Variants in MAP4K3 observed in about 807,000 individuals in gnomAD.
MAP4K3 encodes the protein MAPK/ERK kinase kinase kinase 3.
MAP4K3 carries 94 observed loss-of-function variants against 143.5 expected under a neutral mutation model. That is an observed-to-expected ratio of 0.65 (90% CI 0.55 to 0.78). The LOEUF (loss-of-function observed/expected upper bound fraction) is 0.78, where lower values mean the gene tolerates loss of function less well. Among genes scored for constraint, MAP4K3 ranks in the 30% least tolerant of loss-of-function variants. The pLI is 0.00. For missense variants in MAP4K3, 1,077 were observed against 1,068.1 expected (o/e 1.01, Z -0.12); for synonymous variants, 416 against 347.2 (o/e 1.20, Z -2.20).
chr2:39,251,456 A>T (rs555489358), intron 33 of MAP4K3, among the ~76,000 whole-genome samples: 1 of 152,204 alleles, frequency 6.6e-6, no homozygotes, highest in Non-Finnish European at 1.5e-5. Context: ...TCTATTTCCT[A>T]TAACTTTATA....
intron 1 of MAP4K3, among the ~76,000 whole-genome samples, chr2:39,381,273 A>G (rs1377199109): frequency 1.3e-5 from 2 of 152,102 alleles, no homozygotes; most frequent in African/African-American, 2.4e-5. Flanking sequence ...CCTGTTTTCA[A>G]TTTTCCATTT....
chr2:39,382,715 C>T (rs1018433333), intron 1 of MAP4K3, among the ~76,000 whole-genome samples: 3 of 152,054 alleles, frequency 2.0e-5, no homozygotes, highest in Admixed American at 6.5e-5. Context: ...CTAGGTCAAG[C>T]GATTAAGAAT....
chr2:39,300,154 A>C (rs1399280896), intron 15 of MAP4K3, among the ~76,000 whole-genome samples: 2 of 152,184 alleles, frequency 1.3e-5, no homozygotes, highest in Non-Finnish European at 2.9e-5. Flanking sequence ...AGAAGTGAAT[A>C]TGTGACAAAA....
At chr2:39,427,297 C>G (rs1047947205) in intron 1 of MAP4K3, among the ~76,000 whole-genome samples, 2 of 151,886 alleles carry the variant, frequency 1.3e-5, no homozygotes, top group Non-Finnish European at 2.9e-5. Flanking sequence ...TTACCTTATA[C>G]AGTTCCTCAC....
At chr2:39,315,995 T>C (rs1412006495) in intron 12 of MAP4K3, among the ~76,000 whole-genome samples, 2 of 152,096 alleles carry the variant, frequency 1.3e-5, no homozygotes, top group African/African-American at 4.8e-5. Flanking sequence ...ACTGGAAAAA[T>C]TATATAACTT....
At chr2:39,314,250 G>C (rs1683040518) in intron 13 of MAP4K3, among the ~76,000 whole-genome samples, 1 of 150,518 alleles carries the variant, frequency 6.6e-6, no homozygotes, top group African/African-American at 2.4e-5. Context: ...TGCTTGTCTT[G>C]AACTCCTGGC....
chr2:39,408,337 A>C (rs909097901), intron 1 of MAP4K3, among the ~76,000 whole-genome samples: 7 of 152,080 alleles, frequency 4.6e-5, no homozygotes, highest in Non-Finnish European at 1.0e-4. Flanking sequence ...ACCCAAGCAC[A>C]ATATCTCTAA....
At chr2:39,304,665 T>C (rs532120193) in intron 15 of MAP4K3, among the ~76,000 whole-genome samples, 57 of 152,272 alleles carry the variant, frequency 3.7e-4, no homozygotes, top group African/African-American at 1.3e-3. Flanking sequence ...GTATGGCAGT[T>C]TCTCAAAAAA....
At chr2:39,316,666 T>A (rs1363702160) in intron 12 of MAP4K3, among the ~76,000 whole-genome samples, 2 of 152,138 alleles carry the variant, frequency 1.3e-5, no homozygotes, top group Non-Finnish European at 2.9e-5. Flanking sequence ...GGCAACAGAA[T>A]GTTAGGCATC....
At chr2:39,414,887 AAG>A (rs1392558236) in intron 1 of MAP4K3, among the ~76,000 whole-genome samples, 1 of 152,176 alleles carries the variant, frequency 6.6e-6, no homozygotes, top group East Asian at 1.9e-4. Flanking sequence ...AAAAAAAAAA[AAG>A]AGTATGTACC....
chr2:39,404,178 T>G (rs1372944832), intron 1 of MAP4K3, among the ~76,000 whole-genome samples: 1 of 152,000 alleles, frequency 6.6e-6, no homozygotes, highest in Admixed American at 6.6e-5. Flanking sequence ...AGTGAAAGAC[T>G]CCTGCTTGAG....
At chr2:39,415,201 C>T (rs910579700) in intron 1 of MAP4K3, among the ~76,000 whole-genome samples, 6 of 152,146 alleles carry the variant, frequency 3.9e-5, no homozygotes, top group Non-Finnish European at 7.4e-5. Flanking sequence ...AATGAATGGG[C>T]TTCATTTTAA....
intron 1 of MAP4K3, among the ~76,000 whole-genome samples, chr2:39,420,199 G>A (rs1252838055): frequency 6.6e-6 from 1 of 152,182 alleles, no homozygotes; most frequent in Non-Finnish European, 1.5e-5. Flanking sequence ...ACAATCATGG[G>A]TAATCAATCT....
chr2:39,378,826 G>C (rs1436880609), intron 1 of MAP4K3, among the ~76,000 whole-genome samples: 2 of 151,422 alleles, frequency 1.3e-5, no homozygotes, highest in Admixed American at 6.6e-5. Flanking sequence ...ATTTACAACT[G>C]TATAATTATG....
chr2:39,304,086 C>A (rs1682606897), intron 15 of MAP4K3, among the ~76,000 whole-genome samples: 1 of 151,074 alleles, frequency 6.6e-6, no homozygotes, highest in Non-Finnish European at 1.5e-5. Context: ...TTCAAAAATT[C>A]TCATACTGTC....
At chr2:39,327,332 T>C (rs1683526871) in intron 8 of MAP4K3, among the ~76,000 whole-genome samples, 1 of 152,204 alleles carries the variant, frequency 6.6e-6, no homozygotes, top group South Asian at 2.1e-4. Flanking sequence ...AAAACAAGTG[T>C]CTACTTTTAA....
In MAP4K3 at chr2:39,325,766, A is replaced by G. The variant is rs1683470282; in HGVS notation, c.771T>C (p.Asn257=). Residue 257 remains asparagine, a synonymous_variant, in exon 11 of 34, where the codon AAT becomes AAC. Coordinates refer to ENST00000263881, the MANE Select transcript of MAP4K3 (RefSeq NM_003618.4). ...HHFVKMALTK[N]PKKRPTAEKL... ...TTTCAGCAGTAGGTCTTTTTTTCGG[A>G]TTTTTGGTAAGTGCCATTTTCACAA... 1.9e-6 allele frequency: 3 copies of G among 1,609,842 alleles called. No individual in the cohort carries two copies. The highest frequency in any genetic ancestry group is 2.5e-6 in the Non-Finnish European group (3 of 1,178,520).
At position 39,308,290 on chromosome 2, in the gene MAP4K3, T is replaced by C. The variant is rs553966309; in HGVS notation, c.1057-285A>G. On this transcript the variant is annotated intron_variant, in intron 14 of 33. Coordinates refer to ENST00000263881, the MANE Select transcript of MAP4K3 (RefSeq NM_003618.4). Reference sequence around the variant, plus strand: ...CTGCCTTAACAAAACACAATTAGCATTTATAAATATCATGACTACTTTTTC... The same window carrying C: ...CTGCCTTAACAAAACACAATTAGCACTTATAAATATCATGACTACTTTTTC... Among the ~76,000 whole-genome samples the C allele has an allele frequency of 3.3e-5, 5 of 152,298 alleles. No individual in the cohort carries two copies. The East Asian group carries it at 5.8e-4, about 18-fold the overall frequency.
intron 21 of MAP4K3, chr2:39,283,536 G>GTT (rs1484497775): frequency 1.3e-5 from 2 of 151,702 alleles, no homozygotes; most frequent in Admixed American, 1.3e-4. Flanking sequence ...TATTTTATCT[G>GTT]TTATATATAT....
Sources: gnomAD v4.1 joint callset for allele counts (sites outside exome capture counted in the v4.1 genomes callset) on GRCh38, gnomAD v4.1.1 for gene constraint, MANE v1.5 for transcripts, NCBI Gene and HGNC (gene_info 2026-07-23, HGNC 2026-07-21) for gene names.